Variants in MAP3K20 observed in about 807,000 individuals in gnomAD.
The protein encoded by MAP3K20 is HCCS-4.
A neutral mutation model predicts 85.7 loss-of-function variants in MAP3K20; 40 were observed. The ratio of observed to expected loss-of-function variants is 0.47; its 90% CI spans 0.36 to 0.61. MAP3K20 has a LOEUF of 0.61. MAP3K20 is among the 20% of genes least tolerant of loss of function. The pLI is 0.00. For missense variants in MAP3K20, 817 were observed against 961.7 expected (o/e 0.85, Z 1.99); for synonymous variants, 325 against 327.7 (o/e 0.99, Z 0.09).
intron 2 of MAP3K20, among the ~76,000 whole-genome samples, chr2:173,150,794 C>T (rs865921550): frequency 3.2e-4 from 49 of 152,194 alleles, no homozygotes; most frequent in Middle Eastern, 6.8e-3. Context: ...TTGAACTCGA[C>T]CTTGTGATCC....
intron 1 of MAP3K20, among the ~76,000 whole-genome samples, chr2:173,083,318 T>C (rs1430145901): frequency 6.6e-6 from 1 of 152,226 alleles, no homozygotes; most frequent in African/African-American, 2.4e-5. Flanking sequence ...AAGTTGGTTC[T>C]GTTCCTATAC....
intron 7 of MAP3K20, among the ~76,000 whole-genome samples, chr2:173,197,205 T>TA (rs1690873524): frequency 6.6e-6 from 1 of 152,102 alleles, no homozygotes; most frequent in Admixed American, 6.5e-5. Flanking sequence ...AAAAGTAACA[T>TA]AGTATACAAA....
intron 1 of MAP3K20, among the ~76,000 whole-genome samples, chr2:173,088,042 C>T (rs1687188890): frequency 6.7e-6 from 1 of 148,308 alleles, no homozygotes; most frequent in South Asian, 2.2e-4. Flanking sequence ...GAAGGAGTGT[C>T]TCTAAAAACA....
chr2:173,247,210 T>G (rs1684937303), intron 16 of MAP3K20, among the ~76,000 whole-genome samples: 1 of 152,212 alleles, frequency 6.6e-6, no homozygotes, highest in Admixed American at 6.5e-5. Flanking sequence ...TTACAAATGC[T>G]TCCCACTTGT....
chr2:173,154,473 C>T (rs74265840), intron 2 of MAP3K20, among the ~76,000 whole-genome samples: 3,316 of 152,246 alleles, frequency 0.022, 62 homozygotes, highest in South Asian at 0.047. Flanking sequence ...CATGAGCCAC[C>T]GTGCCCAGCC....
intron 1 of MAP3K20, among the ~76,000 whole-genome samples, chr2:173,076,812 A>G (rs1173288901): frequency 6.6e-6 from 1 of 152,100 alleles, no homozygotes; most frequent in African/African-American, 2.4e-5. Context: ...CCAGACCTGC[A>G]CCAGGCCCAG....
intron 11 of MAP3K20, chr2:173,225,956 G>A: frequency 1.0e-6 from 1 of 984,428 alleles, no homozygotes; most frequent in Non-Finnish European, 1.2e-6. Context: ...CAGTTCTATA[G>A]GTTAATTTAA....
intron 2 of MAP3K20, among the ~76,000 whole-genome samples, chr2:173,121,600 G>A: frequency 6.6e-6 from 1 of 151,322 alleles, no homozygotes; most frequent in South Asian, 2.1e-4. Context: ...TGTTAGCCAG[G>A]ATGGTCTCAA....
intron 8 of MAP3K20, among the ~76,000 whole-genome samples, chr2:173,202,453 A>C (rs894182084): frequency 2.6e-5 from 4 of 152,158 alleles, no homozygotes; most frequent in Non-Finnish European, 5.9e-5. Context: ...TGGCAAACAG[A>C]ACTGTGGAAT....
At chr2:173,192,137 A>G (rs1482129784) in intron 7 of MAP3K20, among the ~76,000 whole-genome samples, 1 of 152,140 alleles carries the variant, frequency 6.6e-6, no homozygotes, top group Non-Finnish European at 1.5e-5. Context: ...GGGCATTTTC[A>G]TAGTAATGGG....
chr2:173,144,541 C>T (rs1222398764), intron 2 of MAP3K20, among the ~76,000 whole-genome samples: 2 of 115,866 alleles, frequency 1.7e-5, no homozygotes, highest in Non-Finnish European at 3.5e-5. Flanking sequence ...AAAAGAAATA[C>T]AAAAAGTAGC....
intron 11 of MAP3K20, among the ~76,000 whole-genome samples, chr2:173,219,872 G>T (rs1684185326): frequency 6.6e-6 from 1 of 152,000 alleles, no homozygotes; most frequent in South Asian, 2.1e-4. Context: ...TTCAAGACCA[G>T]CCTGGACAGC....
At position 173,134,393 on chromosome 2, in the gene MAP3K20, C is replaced by CATATAT. The variant is rs1162728873; in HGVS notation, c.160-35381_160-35376dup. Among the ~76,000 whole-genome samples, 17 of 12,326 alleles carry CATATAT rather than the reference C, an allele frequency of 1.4e-3. 1 individual carries two copies. Among genetic ancestry groups the CATATAT allele is most frequent in the Admixed American group, 1.7e-3 (1 of 606 alleles). The allele number at this position is 12,326 out of a possible 152,430, so 8.1% of individuals were successfully genotyped here. On this transcript the variant is annotated intron_variant, in intron 2 of 19. Transcript: ENST00000375213. ...GTGTGTGTGTGTGTGTGTCTCTATA[C>CATATAT]ATATATATATATATATATATATATA...
chr2:173,159,981 C>A (rs922453574), intron 2 of MAP3K20: 8 of 152,148 alleles, frequency 5.3e-5, no homozygotes, highest in Non-Finnish European at 1.2e-4. Context: ...CAATAGGAGA[C>A]TTCCCAGCAC....
intron 2 of MAP3K20, among the ~76,000 whole-genome samples, chr2:173,108,257 G>A (rs1386801359): frequency 2.0e-5 from 3 of 151,694 alleles, no homozygotes; most frequent in South Asian, 2.1e-4. Context: ...CTCAGCCTCC[G>A]GAGCAGCCGG....
chr2:173,179,936 A>C (rs188877699), intron 3 of MAP3K20, among the ~76,000 whole-genome samples: 18 of 152,380 alleles, frequency 1.2e-4, no homozygotes, highest in Non-Finnish European at 2.2e-4. Context: ...AGACTTGTAC[A>C]ATGAAAAGTA....
At chr2:173,238,489 C>G (rs372734420) in intron 15 of MAP3K20, 54 bp downstream of exon 15, 348 of 1,486,336 alleles carry the variant, frequency 2.3e-4, no homozygotes, top group Non-Finnish European at 3.0e-4. Context: ...ACACATGCAC[C>G]TGCTGCATCC....
chr2:173,267,447 T>C lies in MAP3K20; in HGVS notation c.*697T>C, dbSNP rs1685451431. The C allele has an allele frequency of 6.6e-6, 1 of 152,194 alleles. No individual in the cohort carries two copies. Among genetic ancestry groups the C allele is most frequent in the South Asian group, 2.1e-4 (1 of 4,830 alleles). 9.4% of individuals were successfully genotyped at this position (152,194 alleles called of 1,614,324 possible). On this transcript the variant is annotated 3_prime_UTR_variant, in exon 20 of 20. Coordinates refer to ENST00000375213, the MANE Select transcript of MAP3K20 (RefSeq NM_016653.3). ...AGTATTTATTTTAGTAAGATATTTG[T>C]GTCTGTATGATGGTCAGAGTTGAAC...
intron 1 of MAP3K20, chr2:173,090,778 C>G: frequency 8.7e-7 from 1 of 1,152,548 alleles, no homozygotes. Context: ...CTGTGGGCAG[C>G]TGTGTTTCAA....
Sources: gnomAD v4.1 joint callset for allele counts (sites outside exome capture counted in the v4.1 genomes callset) on GRCh38, gnomAD v4.1.1 for gene constraint, MANE v1.5 for transcripts, NCBI Gene and HGNC (gene_info 2026-07-23, HGNC 2026-07-21) for gene names.